TEKT2: variants seen among roughly 807,000 people sequenced by gnomAD.
TEKT2 encodes the protein tektin 2, also known as tektin-2.
Under a neutral mutation model 49.8 loss-of-function variants are expected in TEKT2, and 45 were observed. That is an observed-to-expected ratio of 0.90 (90% CI 0.71 to 1.16). TEKT2 has a LOEUF of 1.16. Ranked by LOEUF, TEKT2 falls within the 50% of genes most tolerant of loss-of-function variation. The pLI is 0.00. For missense variants in TEKT2, 523 were observed against 551.4 expected (o/e 0.95, Z 0.52); for synonymous variants, 202 against 224.6 (o/e 0.90, Z 0.90).
Position 36,087,577 on chromosome 1 carries a change from GA to G in TEKT2, c.995del (p.Asp332AlafsTer14). 6.2e-7 allele frequency: 1 copy of G among 1,613,740 alleles called. No individual in the cohort carries two copies. Among genetic ancestry groups the G allele is most frequent in the Non-Finnish European group, 8.5e-7 (1 of 1,180,014 alleles). Reference protein sequence around the residue: ...TYRPNVELCRDQAQYGLTDEV... With the variant: ...TYRPNVELCRXQAQYGLTDEV... ...CCGGCCCAACGTGGAACTCTGCCGG[GA>G]CCAGGTGAGAGGGTGTCCCAGTGGC... On this transcript the variant is annotated frameshift_variant, in exon 8 of 10. Coordinates refer to ENST00000207457, the MANE Select transcript of TEKT2 (RefSeq NM_014466.3). LOFTEE classifies it high-confidence loss of function. The surrounding 1 kb of genome is among the most constrained non-coding windows in gnomAD (Gnocchi z 4.9).
Position 36,087,577 on chromosome 1 carries a change from G to A in TEKT2, c.994G>A (p.Asp332Asn), listed in dbSNP as rs374300921. The A allele has an allele frequency of 1.9e-6, 3 of 1,613,740 alleles. No individual in the cohort carries two copies. Among genetic ancestry groups the A allele is most frequent in the Middle Eastern group, 1.6e-4 (1 of 6,062 alleles). Residue 332 changes from aspartate to asparagine, a missense_variant, in exon 8 of 10, where the codon GAC becomes AAC. By Grantham distance (23) the Asp-to-Asn change is conservative. Transcript: ENST00000207457. The surrounding 1 kb of genome is among the most constrained non-coding windows in gnomAD (Gnocchi z 4.9). ...CCGGCCCAACGTGGAACTCTGCCGG[G>A]ACCAGGTGAGAGGGTGTCCCAGTGG... The part of the protein sequence containing the change: ...TYRPNVELCR[D>N]QAQYGLTDEV...
At position 36,084,120 on chromosome 1, in the gene TEKT2, G is replaced by T. The variant is rs528102120; in HGVS notation, c.-82G>T. 6.6e-6 allele frequency: 1 copy of T among 152,532 alleles called. No individual in the cohort carries two copies. The highest frequency in any genetic ancestry group is 2.4e-5 in the African/African-American group (1 of 41,586). The allele number at this position is 152,532 out of a possible 1,614,324, so 9.4% of individuals were successfully genotyped here. On this transcript the variant is annotated 5_prime_UTR_variant, in exon 1 of 10. Coordinates refer to ENST00000207457, the MANE Select transcript of TEKT2 (RefSeq NM_014466.3). The surrounding 1 kb of genome is among the most constrained non-coding windows in gnomAD (Gnocchi z 4.1). ...GTGCCAAACACTGGAGCTCAGAGCG[G>T]GGGGCGCGGAGAGCGAAGCGGGAAA...
rs992773327 is a variant in TEKT2 at position 36,084,363 on chromosome 1, C to T, written c.-53+214C>T. 2 of 154,954 alleles carry T rather than the reference C, an allele frequency of 1.3e-5. No individual in the cohort carries two copies. The highest frequency in any genetic ancestry group is 6.1e-5 in the Admixed American group (1 of 16,300). 9.6% of individuals were successfully genotyped at this position (154,954 alleles called of 1,614,324 possible). ...GCGGGAGGGCGTGGCGGCTACCAGA[C>T]GGGGAGGGGGCCGCCCCGGGGGCCG... On this transcript the variant is annotated intron_variant, in intron 1 of 9. Transcript: ENST00000207457. This position sits in a 1 kb window ranked among gnomAD's most constrained non-coding sequence, Gnocchi z 4.1.
At position 36,086,160 on chromosome 1, in the gene TEKT2, C is replaced by T. The variant is rs914300595; in HGVS notation, c.488+119C>T. 2.6e-6 allele frequency: 3 copies of T among 1,133,636 alleles called. No homozygotes were observed. In the African/African-American group the frequency reaches 4.6e-5, roughly 17 times the overall value. The allele number at this position is 1,133,636 out of a possible 1,614,324, so 70.2% of individuals were successfully genotyped here. A position where few individuals can be genotyped will look rare whatever the true frequency, so the allele number is the denominator to read the frequency against. The stretch of plus-strand genomic sequence containing the variant: ...GGCTCTCGTGCTACATTTTGGCCCT[C>T]TGGTGCCTGTGACAGAAACCACTAA... On this transcript the variant is annotated intron_variant, in intron 4 of 9. Transcript: ENST00000207457.
Position 36,087,819 on chromosome 1 carries a change from G to A in TEKT2, c.1079+12G>A, listed in dbSNP as rs1643409480. ...CTGGCGCAAGCACAGTAGGTCTCGG[G>A]AGTGGGCGGAAGGAGCAGTGAGACG... On this transcript the variant is annotated intron_variant, in intron 9 of 9. Transcript: ENST00000207457. The surrounding 1 kb of genome is among the most constrained non-coding windows in gnomAD (Gnocchi z 4.9). The A allele has an allele frequency of 1.2e-6, 2 of 1,613,430 alleles. No homozygotes were observed. Among genetic ancestry groups the A allele is most frequent in the Non-Finnish European group, 1.7e-6 (2 of 1,179,902 alleles).
chr1:36,087,405 A>G lies in TEKT2; in HGVS notation c.856-34A>G. The stretch of plus-strand genomic sequence containing the variant: ...CTGGACCAGGCATGCACGTGAGTCC[A>G]GCAGGTGGAAACCAGTCACTCTGTC... On this transcript the variant is annotated intron_variant, in intron 7 of 9. Coordinates refer to ENST00000207457, the MANE Select transcript of TEKT2 (RefSeq NM_014466.3). This position sits in a 1 kb window ranked among gnomAD's most constrained non-coding sequence, Gnocchi z 4.9. The G allele has an allele frequency of 1.9e-6, 3 of 1,613,906 alleles. No homozygotes were observed. The highest frequency in any genetic ancestry group is 2.5e-6 in the Non-Finnish European group (3 of 1,180,022).
rs984217150 is a variant in TEKT2 at position 36,084,772 on chromosome 1, G to A, written c.-52-98G>A. ...CCAAGCAGGCTTCCAGCAGGACAGGGCTCAGAGCAAAATGGACAGGAACAA... is the reference window on the plus strand; with the variant it reads ...CCAAGCAGGCTTCCAGCAGGACAGGACTCAGAGCAAAATGGACAGGAACAA... On this transcript the variant is annotated intron_variant, in intron 1 of 9. Transcript: ENST00000207457. The surrounding 1 kb of genome is among the most constrained non-coding windows in gnomAD (Gnocchi z 4.1). The A allele has an allele frequency of 1.8e-5, 22 of 1,194,944 alleles. No homozygotes were observed. In the Admixed American group the frequency reaches 4.1e-4, roughly 22 times the overall value. 74.0% of individuals were successfully genotyped at this position (1,194,944 alleles called of 1,614,324 possible).
chr1:36,085,484 C>CTTTT (rs374312559), intron 3 of TEKT2, among the ~76,000 whole-genome samples, 196 bp downstream of exon 3: 1 of 126,890 alleles, frequency 7.9e-6, no homozygotes, highest in African/African-American at 2.9e-5. Context: ...CTTTTCTTTT[C>CTTTT]TTTTTTTTTC....
chr1:36,086,856 A>T lies in TEKT2; in HGVS notation c.632+9A>T. The T allele has an allele frequency of 1.2e-6, 2 of 1,614,048 alleles. No individual in the cohort carries two copies. The highest frequency in any genetic ancestry group is 1.7e-6 in the Non-Finnish European group (2 of 1,180,010). On this transcript the variant is annotated intron_variant, in intron 5 of 9. Transcript: ENST00000207457. ...ACACGTGTACCTGATGGGTAAGAAG[A>T]GTGTTTCAGCCAGTCTCTTCTCCTC...
At chr1:36,085,437 T>C in intron 3 of TEKT2, 149 bp downstream of exon 3, 1 of 1,185,010 alleles carries the variant, frequency 8.4e-7, no homozygotes, top group Non-Finnish European at 1.2e-6. Context: ...CAAGCGCTAC[T>C]TCCCCATGGA....
rs374252973 is a variant in TEKT2, at chr1:36,087,938, A to G, written c.1080-35A>G. 5 of 1,595,086 alleles carry G rather than the reference A, an allele frequency of 3.1e-6. No individual in the cohort carries two copies. Among genetic ancestry groups the G allele is most frequent in the Non-Finnish European group, 4.3e-6 (5 of 1,169,990 alleles). On this transcript the variant is annotated intron_variant, in intron 9 of 9. Transcript: ENST00000207457. The surrounding 1 kb of genome is among the most constrained non-coding windows in gnomAD (Gnocchi z 4.9). The stretch of plus-strand genomic sequence containing the variant: ...CACGCAGCCCAGGCCTCCCAGCCTC[A>G]TGGGGGCTGGGGGGTTGTCAATGTC...
chr1:36,087,801 A>C lies in TEKT2; in HGVS notation c.1073A>C (p.Gln358Pro). The C allele has an allele frequency of 6.2e-7, 1 of 1,613,732 alleles. No individual in the cohort carries two copies. The highest frequency in any genetic ancestry group is 8.5e-7 in the Non-Finnish European group (1 of 1,179,992). The change falls in exon 9 of 10, where the codon CAA (glutamine) becomes CCA (proline). Residue 358 changes from glutamine (Q) to proline (P), a missense_variant. Transcript: ENST00000207457. The surrounding 1 kb of genome is among the most constrained non-coding windows in gnomAD (Gnocchi z 4.9). ...TIAALKQKLAQAQDALDALCK... is the reference protein window; with the variant it reads ...TIAALKQKLAPAQDALDALCK... ...GCTGCCCTGAAGCAGAAGCTGGCGC[A>C]AGCACAGTAGGTCTCGGGAGTGGGC... is the stretch of plus-strand genomic sequence containing the variant.
In TEKT2 at chr1:36,085,929, A is replaced by G; in HGVS notation, c.376A>G (p.Ile126Val). Residue 126 changes from isoleucine (I) to valine (V), a missense_variant, in exon 4 of 10, where the codon ATT (isoleucine) becomes GTT (valine). Ile to Val is a conservative substitution (Grantham distance 29). Transcript: ENST00000207457. ...CLTLRESRRD[I>V]DVVKDPVEDE... ...GACCCTGCGGGAAAGCCGGCGAGAC[A>G]TTGATGTGGTGAAGGACCCTGTGGA... is the stretch of plus-strand genomic sequence containing the variant. 1 of 1,614,054 alleles carries G rather than the reference A, an allele frequency of 6.2e-7. No individual in the cohort carries two copies. The highest frequency in any genetic ancestry group is 8.5e-7 in the Non-Finnish European group (1 of 1,179,978).
rs571770654 is a variant in TEKT2, at chr1:36,087,051, A to T, written c.747+6A>T. The T allele has an allele frequency of 6.2e-7, 1 of 1,613,422 alleles. No homozygotes were observed. The highest frequency in any genetic ancestry group is 8.5e-7 in the Non-Finnish European group (1 of 1,179,684). On this transcript the variant is annotated splice_donor_region_variant and intron_variant, in intron 6 of 9. Transcript: ENST00000207457. This position sits in a 1 kb window ranked among gnomAD's most constrained non-coding sequence, Gnocchi z 4.9. ...CTGCTCTAACTATTGCTGAGGTGAC[A>T]GGCCACCCACAGCTAATGGATGGTC...
At chr1:36,085,539 G>A (rs1643358769) in intron 3 of TEKT2, among the ~76,000 whole-genome samples, 1 of 103,586 alleles carries the variant, frequency 9.7e-6, no homozygotes, top group Non-Finnish European at 1.8e-5. Flanking sequence ...TTTTGAGACA[G>A]CATCTGGATC....
At chr1:36,085,398 G>A (rs1206139835) in intron 3 of TEKT2, 110 bp downstream of exon 3, 9 of 1,543,150 alleles carry the variant, frequency 5.8e-6, no homozygotes, top group Middle Eastern at 2.1e-4. Flanking sequence ...ATGTCCATCC[G>A]AGTCACTGGC....
rs1361761632 is a variant in TEKT2, at chr1:36,085,305, G to A, written c.282+17G>A. 6.2e-7 allele frequency: 1 copy of A among 1,613,550 alleles called. No individual in the cohort carries two copies. Among genetic ancestry groups the A allele is most frequent in the South Asian group, 1.1e-5 (1 of 91,070 alleles). On this transcript the variant is annotated intron_variant, in intron 3 of 9. Transcript: ENST00000207457. ...CTGACACAGGCAGGGATCCAGGACTGGGTGCCCGGGGGCTGCTGCCGAAAC... is the reference window on the plus strand; with the variant it reads ...CTGACACAGGCAGGGATCCAGGACTAGGTGCCCGGGGGCTGCTGCCGAAAC...
intron 4 of TEKT2, among the ~76,000 whole-genome samples, 190 bp from the exon 5 acceptor site, chr1:36,086,514 G>A (rs1030267553): frequency 6.6e-6 from 1 of 151,714 alleles, no homozygotes; most frequent in Admixed American, 6.6e-5. Flanking sequence ...TTTATCCTAC[G>A]GTGTGTAGGG....
chr1:36,087,394 C>T lies in TEKT2; in HGVS notation c.856-45C>T, dbSNP rs757106273. Reference sequence around the variant, plus strand: ...GCCAGGAGGCACTGGACCAGGCATGCACGTGAGTCCAGCAGGTGGAAACCA... The same window carrying T: ...GCCAGGAGGCACTGGACCAGGCATGTACGTGAGTCCAGCAGGTGGAAACCA... On this transcript the variant is annotated intron_variant, in intron 7 of 9. Transcript: ENST00000207457. This position sits in a 1 kb window ranked among gnomAD's most constrained non-coding sequence, Gnocchi z 4.9. 16 of 1,613,752 alleles carry T rather than the reference C, an allele frequency of 9.9e-6. No individual in the cohort carries two copies. The Admixed American group carries it at 2.5e-4, about 25-fold the overall frequency.
Sources: gnomAD v4.1 joint callset for allele counts (sites outside exome capture counted in the v4.1 genomes callset) on GRCh38, gnomAD v4.1.1 for gene constraint, Gnocchi (gnomAD v3.1) non-coding constraint, MANE v1.5 for transcripts, NCBI Gene and HGNC (gene_info 2026-07-23, HGNC 2026-07-21) for gene names.